Variants in TVP23C observed in about 807,000 individuals in gnomAD.
The protein encoded by TVP23C is Golgi apparatus membrane protein TVP23 homolog C.
Under a neutral mutation model 28.7 loss-of-function variants are expected in TVP23C, and 19 were observed. The observed-to-expected ratio is 0.66, with a 90% confidence interval of 0.46 to 0.97. The LOEUF is 0.97. TVP23C is among the 50% of genes least tolerant of loss of function. TVP23C has a pLI of 0.00. For synonymous variants in TVP23C, 68 were observed against 81.7 expected (o/e 0.83, Z 0.90); for missense variants, 186 against 241.3 (o/e 0.77, Z 1.52).
intron 5 of TVP23C, among the ~76,000 whole-genome samples, chr17:15,504,975 C>T (rs945035028): frequency 1.3e-5 from 2 of 152,110 alleles, no homozygotes; most frequent in Non-Finnish European, 2.9e-5. Context: ...AGGAGAGGGT[C>T]CAATAAAACC....
intron 1 of TVP23C, among the ~76,000 whole-genome samples, chr17:15,556,267 C>CT (rs1214595665): frequency 6.6e-6 from 1 of 150,736 alleles, no homozygotes; most frequent in Non-Finnish European, 1.5e-5. Flanking sequence ...TTCAAGGCCA[C>CT]TTATTAGGCA....
At chr17:15,555,497 A>C in intron 1 of TVP23C, 133 bp from the exon 2 acceptor site, 1 of 1,403,938 alleles carries the variant, frequency 7.1e-7, no homozygotes, top group Non-Finnish European at 9.6e-7. Context: ...TTCAAAACCT[A>C]GAAAAGGACA....
At chr17:15,503,910 G>A (rs1016732177) in intron 5 of TVP23C, among the ~76,000 whole-genome samples, 4 of 149,952 alleles carry the variant, frequency 2.7e-5, no homozygotes, top group African/African-American at 9.7e-5. Context: ...TTGGGAGGGG[G>A]AATGGAAGGG....
chr17:15,508,950 C>A (rs74849988), intron 5 of TVP23C, among the ~76,000 whole-genome samples: 8,767 of 152,280 alleles, frequency 0.058, 306 homozygotes, highest in Non-Finnish European at 0.073. Flanking sequence ...AGAAAATGTT[C>A]TGACTTCAGT....
chr17:15,504,912 T>C (rs984585955), intron 5 of TVP23C, among the ~76,000 whole-genome samples: 5 of 152,146 alleles, frequency 3.3e-5, no homozygotes, highest in African/African-American at 1.2e-4. Flanking sequence ...TTCAGGGGCT[T>C]CTTGAGGGAC....
At chr17:15,554,236 CTT>C (rs60423951) in intron 2 of TVP23C, among the ~76,000 whole-genome samples, 3 of 125,368 alleles carry the variant, frequency 2.4e-5, no homozygotes, top group Non-Finnish European at 1.7e-5. Context: ...TTGTTTGTTT[CTT>C]TTTTTTTTTT....
downstream of TVP23C, among the ~76,000 whole-genome samples, chr17:15,534,785 A>G (rs1381696207): frequency 1.3e-5 from 2 of 151,718 alleles, no homozygotes; most frequent in African/African-American, 2.4e-5. Context: ...CCTGACCAAC[A>G]TAGAGAAACC....
intron 5 of TVP23C, among the ~76,000 whole-genome samples, chr17:15,541,194 G>C (rs1289554924): frequency 6.6e-6 from 1 of 152,038 alleles, no homozygotes; most frequent in Non-Finnish European, 1.5e-5. Context: ...TGAGAAGTGA[G>C]AAAAAGAAAC....
chr17:15,541,753 T>A (rs1597532951), intron 5 of TVP23C, among the ~76,000 whole-genome samples: 3 of 152,160 alleles, frequency 2.0e-5, no homozygotes, highest in African/African-American at 7.2e-5. Flanking sequence ...GTTAGTGTAA[T>A]AAGAGGGTGC....
chr17:15,562,855 T>C (rs1984463170), intron 1 of TVP23C: 1 of 152,410 alleles, frequency 6.6e-6, no homozygotes, highest in African/African-American at 2.4e-5. Flanking sequence ...TAGTAATCCC[T>C]CAACAAATTT....
In TVP23C at chr17:15,528,235, T is replaced by G. The variant is rs3911955; in HGVS notation, c.462+17550A>C. 6.6e-5 allele frequency among the ~76,000 whole-genome samples: 10 copies of G among 152,206 alleles called. No individual in the cohort carries two copies. The East Asian group carries it at 1.7e-3, about 26-fold the overall frequency. On this transcript the variant is annotated intron_variant, in intron 5 of 5. Coordinates refer to the TVP23C transcript ENST00000225576. The stretch of plus-strand genomic sequence containing the variant: ...TTGTTTAAAAAAAATAAGTGTTTAC[T>G]GTTACGGATTTCTCTATAAACACTG...
intron 5 of TVP23C, among the ~76,000 whole-genome samples, chr17:15,529,334 C>T (rs1337155019): frequency 3.3e-5 from 5 of 152,046 alleles, no homozygotes; most frequent in African/African-American, 7.2e-5. Context: ...GGCCTGTAAT[C>T]CCAGCTAATC....
chr17:15,514,151 G>A (rs544680886), intron 5 of TVP23C, among the ~76,000 whole-genome samples: 70 of 152,318 alleles, frequency 4.6e-4, no homozygotes, highest in African/African-American at 1.6e-3. Flanking sequence ...CCATCAATCC[G>A]GCAGCAAACA....
chr17:15,521,710 A>G (rs1208963163), intron 5 of TVP23C, among the ~76,000 whole-genome samples: 1 of 152,196 alleles, frequency 6.6e-6, no homozygotes, highest in Non-Finnish European at 1.5e-5. Flanking sequence ...ATGGGAAATA[A>G]AAAGAAATGT....
At chr17:15,558,674 T>C (rs1984241658) in intron 1 of TVP23C, among the ~76,000 whole-genome samples, 1 of 147,898 alleles carries the variant, frequency 6.8e-6, no homozygotes, top group Non-Finnish European at 1.5e-5. Flanking sequence ...GGGGAAGGGA[T>C]CCCAGGTGTT....
chr17:15,507,168 G>A (rs1488485413), intron 5 of TVP23C: 2 of 759,612 alleles, frequency 2.6e-6, no homozygotes, highest in African/African-American at 3.4e-5. Context: ...GGCAAATGCA[G>A]GACCCGATAC....
At chr17:15,505,703 G>C (rs1047984593) in intron 5 of TVP23C, among the ~76,000 whole-genome samples, 12 of 152,234 alleles carry the variant, frequency 7.9e-5, no homozygotes, top group Non-Finnish European at 1.5e-4. Context: ...GGAGGGAGAG[G>C]GGCGAGCGGG....
At chr17:15,505,876 C>G (rs1357554317) in intron 5 of TVP23C, among the ~76,000 whole-genome samples, 3 of 152,216 alleles carry the variant, frequency 2.0e-5, no homozygotes, top group Non-Finnish European at 4.4e-5. Context: ...GCAGTGCCAG[C>G]CCACCGGCGC....
chr17:15,519,375 G>A (rs948346464), intron 5 of TVP23C, among the ~76,000 whole-genome samples: 13 of 152,162 alleles, frequency 8.5e-5, no homozygotes, highest in African/African-American at 2.2e-4. Flanking sequence ...GGAAGGGTGA[G>A]GCAGGAGGAT....
Sources: allele counts gnomAD v4.1 joint callset (sites outside exome capture counted in the v4.1 genomes callset), GRCh38; gene constraint gnomAD v4.1.1; transcripts MANE v1.5; gene names NCBI Gene and HGNC (gene_info 2026-07-23, HGNC 2026-07-21).